DEPTOR: variants seen among roughly 807,000 people sequenced by gnomAD.
The protein encoded by DEPTOR is DEP domain-containing mTOR-interacting protein.
A neutral mutation model predicts 41.6 loss-of-function variants in DEPTOR; 41 were observed. The ratio of observed to expected loss-of-function variants is 0.98; its 90% CI spans 0.77 to 1.28. DEPTOR has a LOEUF of 1.28. Among genes scored for constraint, DEPTOR ranks in the 50% most tolerant of loss-of-function variants. The probability of loss-of-function intolerance (pLI) is 0.00; values close to 1 mark genes in which losing one functional copy is unlikely to be tolerated. For synonymous variants in DEPTOR, 195 were observed against 192.3 expected (o/e 1.01, Z -0.12); for missense variants, 514 against 527.9 (o/e 0.97, Z 0.26).
chr8:119,887,111 TCC>T, intron 1 of DEPTOR, among the ~76,000 whole-genome samples: 1 of 12,812 alleles, frequency 7.8e-5, no homozygotes, highest in South Asian at 6.0e-3. Context: ...CCCCTTCCCC[TCC>T]CCTCCCCCTC....
At chr8:119,912,044 A>G (rs960098837) in intron 1 of DEPTOR, among the ~76,000 whole-genome samples, 6 of 152,244 alleles carry the variant, frequency 3.9e-5, no homozygotes, top group African/African-American at 1.4e-4. Flanking sequence ...AAAGTAATAC[A>G]AAATATTATA....
At chr8:119,999,440 C>A (rs900522057) in intron 4 of DEPTOR, among the ~76,000 whole-genome samples, 2 of 152,144 alleles carry the variant, frequency 1.3e-5, no homozygotes, top group African/African-American at 4.8e-5. Flanking sequence ...CAAGTTGACA[C>A]ACTGGCATGT....
chr8:120,026,189 T>C (rs1193683128), intron 8 of DEPTOR, among the ~76,000 whole-genome samples: 2 of 151,636 alleles, frequency 1.3e-5, no homozygotes, highest in Non-Finnish European at 2.9e-5. Context: ...GGTTTCGCCA[T>C]GTTGGTCTGT....
At chr8:120,031,332 G>A (rs1044153921) in intron 8 of DEPTOR, among the ~76,000 whole-genome samples, 1 of 152,092 alleles carries the variant, frequency 6.6e-6, no homozygotes, top group Non-Finnish European at 1.5e-5. Context: ...AAGTGTGGTG[G>A]TGTGCACCTG....
chr8:119,906,228 G>T (rs1365524134), intron 1 of DEPTOR, among the ~76,000 whole-genome samples: 1 of 151,032 alleles, frequency 6.6e-6, no homozygotes, highest in Non-Finnish European at 1.5e-5. Context: ...AAGGCAGGCA[G>T]ATTGCTTGAG....
At chr8:120,022,771 A>G (rs1185602624) in intron 8 of DEPTOR, among the ~76,000 whole-genome samples, 3 of 151,394 alleles carry the variant, frequency 2.0e-5, no homozygotes, top group Non-Finnish European at 2.9e-5. Context: ...CCTGGGCTCT[A>G]GCAATCCTCC....
At chr8:119,983,313 C>A (rs967400281) in intron 4 of DEPTOR, among the ~76,000 whole-genome samples, 11 of 151,204 alleles carry the variant, frequency 7.3e-5, no homozygotes, top group Non-Finnish European at 1.5e-4. Context: ...TGCAGTGGTG[C>A]AATCTTGGCT....
intron 1 of DEPTOR, chr8:119,874,246 A>G (rs79346194): frequency 0.34 from 154,542 of 448,298 alleles, 30,282 homozygotes; most frequent in African/African-American, 0.62. Flanking sequence ...GTGCCGGGCA[A>G]AGTCCCTGCC....
chr8:119,942,926 G>A (rs1322356767), intron 3 of DEPTOR, among the ~76,000 whole-genome samples: 1 of 152,240 alleles, frequency 6.6e-6, no homozygotes, highest in Non-Finnish European at 1.5e-5. Flanking sequence ...TGCAATGCAT[G>A]TAGTCTAAAG....
intron 1 of DEPTOR, among the ~76,000 whole-genome samples, chr8:119,889,614 CGGGAGGGGAGGGAAGGGAAG>C (rs1295160692): frequency 5.8e-5 from 2 of 34,384 alleles, no homozygotes; most frequent in African/African-American, 8.5e-5. Flanking sequence ...GGGGAGGGGA[CGGGAGGGGAGGGAAGGGAAG>C]GGGAGGGGAG....
intron 8 of DEPTOR, among the ~76,000 whole-genome samples, chr8:120,046,148 G>A (rs768208897): frequency 6.6e-6 from 1 of 152,042 alleles, no homozygotes; most frequent in Non-Finnish European, 1.5e-5. Context: ...TCCCTTCAAT[G>A]TTTATTGTTT....
At chr8:119,952,310 A>G (rs34079803) in intron 3 of DEPTOR, among the ~76,000 whole-genome samples, 3,836 of 152,232 alleles carry the variant, frequency 0.025, 78 homozygotes, top group Admixed American at 0.044. Flanking sequence ...CTTTATATGA[A>G]TGACAGCCAG....
chr8:120,004,157 T>C, intron 6 of DEPTOR, among the ~76,000 whole-genome samples: 1 of 152,344 alleles, frequency 6.6e-6, no homozygotes, highest in East Asian at 1.9e-4. Context: ...TTAGTAAGAA[T>C]AAGCACTAAT....
At chr8:119,893,600 A>G (rs1295275165) in intron 1 of DEPTOR, among the ~76,000 whole-genome samples, 1 of 152,164 alleles carries the variant, frequency 6.6e-6, no homozygotes, top group Non-Finnish European at 1.5e-5. Context: ...AGACCGCAGT[A>G]GGTGGATCAC....
intron 8 of DEPTOR, among the ~76,000 whole-genome samples, chr8:120,014,243 G>A (rs973652198): frequency 1.3e-5 from 2 of 152,114 alleles, no homozygotes; most frequent in Non-Finnish European, 2.9e-5. Flanking sequence ...GTTGTTTCCT[G>A]CATTTTTCCT....
At chr8:119,920,065 A>G (rs1326812746) in intron 1 of DEPTOR, among the ~76,000 whole-genome samples, 1 of 151,844 alleles carries the variant, frequency 6.6e-6, no homozygotes, top group South Asian at 2.1e-4. Context: ...AAGCCTGTGA[A>G]CCAGCTGTCT....
chr8:119,973,694 G>A (rs1586639520), intron 4 of DEPTOR, among the ~76,000 whole-genome samples: 1 of 152,134 alleles, frequency 6.6e-6, no homozygotes, highest in Non-Finnish European at 1.5e-5. Context: ...CCAGGCTACC[G>A]CTGCTGTGTC....
chr8:119,971,574 A>C (rs1828634289), intron 4 of DEPTOR, among the ~76,000 whole-genome samples: 1 of 152,338 alleles, frequency 6.6e-6, no homozygotes, highest in East Asian at 1.9e-4. Context: ...ATGAAAACTC[A>C]GGGAAGGAAC....
At chr8:119,893,358 C>T (rs1385693853) in intron 1 of DEPTOR, among the ~76,000 whole-genome samples, 2 of 152,314 alleles carry the variant, frequency 1.3e-5, no homozygotes, top group East Asian at 1.9e-4. Flanking sequence ...GGCTACTTGT[C>T]AGCAGTTCTG....
Sources: gnomAD v4.1 joint callset for allele counts (sites outside exome capture counted in the v4.1 genomes callset) on GRCh38, gnomAD v4.1.1 for gene constraint, MANE v1.5 for transcripts, NCBI Gene and HGNC (gene_info 2026-07-23, HGNC 2026-07-21) for gene names.